BCL2: variants seen among roughly 807,000 people sequenced by gnomAD.
BCL2 encodes apoptosis regulator Bcl-2.
In BCL2, 1 loss-of-function variant was observed where a neutral mutation model predicts 14.2. The ratio of observed to expected loss-of-function variants is 0.07; its 90% confidence interval spans 0.02 to 0.33. The LOEUF (loss-of-function observed/expected upper bound fraction) is 0.33, where lower values mean the gene tolerates loss of function less well. Among genes scored for constraint, BCL2 ranks in the 10% least tolerant of loss-of-function variants. The pLI is 0.99. For missense variants in BCL2, 247 were observed against 305.9 expected, an observed-to-expected ratio of 0.81 and a Z score of 1.44; for synonymous variants, 151 against 137.2, an observed-to-expected ratio of 1.10 and a Z score of -0.70.
intron 2 of BCL2, among the ~76,000 whole-genome samples, chr18:63,300,592 T>A (rs1329276704): frequency 6.6e-6 from 1 of 152,162 alleles, no homozygotes; most frequent in Non-Finnish European, 1.5e-5. Flanking sequence ...GCCTAAACTT[T>A]TAAAAAATTT....
chr18:63,180,205 A>C (rs1915451228), intron 2 of BCL2, among the ~76,000 whole-genome samples: 1 of 152,218 alleles, frequency 6.6e-6, no homozygotes, highest in African/African-American at 2.4e-5. Context: ...CGGCTTATGG[A>C]AAATGTGTTT....
At chr18:63,262,214 G>GC (rs1179355041) in intron 2 of BCL2, among the ~76,000 whole-genome samples, 2 of 152,196 alleles carry the variant, frequency 1.3e-5, no homozygotes, top group African/African-American at 4.8e-5. Flanking sequence ...ACTGTGCCCA[G>GC]CCACATATAC....
At chr18:63,298,730 T>C (rs560584850) in intron 2 of BCL2, among the ~76,000 whole-genome samples, 38 of 152,364 alleles carry the variant, frequency 2.5e-4, no homozygotes, top group African/African-American at 8.7e-4. Flanking sequence ...TAGTTTCTTA[T>C]GCCAGGGAAA....
At position 63,213,551 on chromosome 18, in the gene BCL2, C is replaced by CACAT. The variant is rs1568235987; in HGVS notation, c.586-84793_586-84792insATGT. On this transcript the variant is annotated intron_variant, in intron 2 of 2. Transcript: ENST00000333681. Reference sequence around the variant, plus strand: ...CCACACACACACACACACATAAACACACACACACACACACACACACACACA... The same window carrying CACAT: ...CCACACACACACACACACATAAACACACATACACACACACACACACACACACACA... 2.3e-4 allele frequency among the ~76,000 whole-genome samples: 23 copies of CACAT among 98,454 alleles called. 1 individual carries two copies. In the South Asian group the frequency reaches 6.4e-3, roughly 28 times the overall value. The allele number at this position is 98,454 out of a possible 152,430, so 64.6% of individuals were successfully genotyped here.
chr18:63,266,439 G>A (rs1438098070), intron 2 of BCL2, among the ~76,000 whole-genome samples: 1 of 151,830 alleles, frequency 6.6e-6, no homozygotes, highest in Non-Finnish European at 1.5e-5. Flanking sequence ...TTGGGGAGAA[G>A]TGGGAGGTAA....
intron 2 of BCL2, among the ~76,000 whole-genome samples, chr18:63,254,616 T>C (rs1911417162): frequency 6.6e-6 from 1 of 152,070 alleles, no homozygotes; most frequent in Non-Finnish European, 1.5e-5. Flanking sequence ...GGGGTCACAA[T>C]TATCAATACC....
chr18:63,230,394 T>C (rs1251194715), intron 2 of BCL2, among the ~76,000 whole-genome samples: 1 of 152,118 alleles, frequency 6.6e-6, no homozygotes, highest in Admixed American at 6.5e-5. Flanking sequence ...TTAAGAAAGT[T>C]AGAGAAAGGG....
intron 2 of BCL2, among the ~76,000 whole-genome samples, chr18:63,150,095 C>G (rs1914616407): frequency 6.6e-6 from 1 of 152,172 alleles, no homozygotes; most frequent in Admixed American, 6.5e-5. Flanking sequence ...GTTGGCCAGG[C>G]TGGCCTGAAA....
chr18:63,313,781 G>GC (rs1468963450), intron 2 of BCL2: 1 of 152,106 alleles, frequency 6.6e-6, no homozygotes, highest in Non-Finnish European at 1.5e-5. Context: ...TGGGAACAGA[G>GC]ATAAGAAAAA....
chr18:63,248,736 G>C (rs78248662), intron 2 of BCL2, among the ~76,000 whole-genome samples: 25 of 152,308 alleles, frequency 1.6e-4, no homozygotes, highest in Non-Finnish European at 1.2e-4. Flanking sequence ...AGGCATCCCT[G>C]CTATTAGCCA....
intron 2 of BCL2, among the ~76,000 whole-genome samples, chr18:63,200,690 C>T (rs1367029808): frequency 6.6e-6 from 1 of 152,178 alleles, no homozygotes; most frequent in Non-Finnish European, 1.5e-5. Context: ...TGCAATGGTG[C>T]AACATAGCTC....
intron 2 of BCL2, among the ~76,000 whole-genome samples, chr18:63,242,925 A>C (rs1211529331): frequency 3.3e-5 from 5 of 152,186 alleles, no homozygotes; most frequent in Non-Finnish European, 2.9e-5. Flanking sequence ...GAATATTGTG[A>C]AATGCCCCAA....
intron 2 of BCL2, among the ~76,000 whole-genome samples, chr18:63,146,772 A>T (rs748920489): frequency 3.3e-5 from 5 of 152,190 alleles, no homozygotes. Flanking sequence ...CTGTGAAAAA[A>T]GTATTAGGAT....
rs2144602638 is a variant in BCL2, at chr18:63,146,171, A to G, written c.586-17412T>C. ...AACCCGTTCTCCATTTGCCTGTTGT[A>G]GTCTAGGACAGAAAACTCAGAGCCT... is the stretch of plus-strand genomic sequence containing the variant. On this transcript the variant is annotated intron_variant, in intron 2 of 2. Transcript: ENST00000333681. Among the ~76,000 whole-genome samples, 2 of 152,172 alleles carry G rather than the reference A, an allele frequency of 1.3e-5. 1 individual carries two copies. Among genetic ancestry groups the G allele is most frequent in the East Asian group, 3.8e-4 (2 of 5,200 alleles).
At chr18:63,209,651 G>A (rs182101712) in intron 2 of BCL2, among the ~76,000 whole-genome samples, 1 of 152,308 alleles carries the variant, frequency 6.6e-6, no homozygotes, top group African/African-American at 2.4e-5. Context: ...TGGGAGACGT[G>A]TCAGGCCTGG....
intron 2 of BCL2, among the ~76,000 whole-genome samples, chr18:63,231,959 A>T (rs72943098): frequency 2.6e-5 from 4 of 152,268 alleles, no homozygotes; most frequent in Non-Finnish European, 5.9e-5. Flanking sequence ...AAATTAAGAC[A>T]CTATAGTATT....
chr18:63,149,508 T>C lies in BCL2; in HGVS notation c.586-20749A>G, dbSNP rs1179971049. ...CCAGACGACTTTCGCTTGTTCTGTC[T>C]CTGTTTCTCTTCTAGCCCAGGGAGA... is the stretch of plus-strand genomic sequence containing the variant. On this transcript the variant is annotated intron_variant, in intron 2 of 2. Coordinates refer to ENST00000333681, the MANE Select transcript of BCL2 (RefSeq NM_000633.3). The surrounding 1 kb of genome is among the most constrained non-coding windows in gnomAD (Gnocchi z 4.2). Among the ~76,000 whole-genome samples, 1 of 152,224 alleles carries C rather than the reference T, an allele frequency of 6.6e-6. No individual in the cohort carries two copies. The highest frequency in any genetic ancestry group is 6.5e-5 in the Admixed American group (1 of 15,288).
At chr18:63,290,910 A>G (rs1912626537) in intron 2 of BCL2, among the ~76,000 whole-genome samples, 1 of 152,102 alleles carries the variant, frequency 6.6e-6, no homozygotes, top group South Asian at 2.1e-4. Flanking sequence ...CCTCTTTCCC[A>G]GGTCATTATC....
In BCL2 at chr18:63,128,040, T is replaced by G. The variant is rs4987844; in HGVS notation, c.*585A>C. ...CCAGGTATGCATCATGTGAGTCATA[T>G]GCAAAGAGTCTCTTCTTCAGGCCAG... On this transcript the variant is annotated 3_prime_UTR_variant, in exon 3 of 3. Coordinates refer to ENST00000333681, the MANE Select transcript of BCL2 (RefSeq NM_000633.3). The G allele has an allele frequency of 5.0e-4, 114 of 225,824 alleles. 1 individual carries two copies. The highest frequency in any genetic ancestry group is 4.0e-3 in the Middle Eastern group (3 of 746). The allele number at this position is 225,824 out of a possible 1,614,324, so 14.0% of individuals were successfully genotyped here. A position where few individuals can be genotyped will look rare whatever the true frequency, so the allele number is the denominator to read the frequency against.
Sources: gnomAD v4.1 joint callset for allele counts (sites outside exome capture counted in the v4.1 genomes callset) on GRCh38, gnomAD v4.1.1 for gene constraint, Gnocchi (gnomAD v3.1) non-coding constraint, MANE v1.5 for transcripts, NCBI Gene and HGNC (gene_info 2026-07-23, HGNC 2026-07-21) for gene names.